LAMA2: variants seen among roughly 807,000 people sequenced by gnomAD.
The protein encoded by LAMA2 is laminin subunit alpha-2.
LAMA2 carries 269 observed loss-of-function variants against 364.8 expected under a neutral mutation model. The ratio of observed to expected loss-of-function variants is 0.74; its 90% CI spans 0.67 to 0.82. The LOEUF is 0.82. LAMA2 is among the 40% of genes least tolerant of loss of function. The pLI is 0.00. For synonymous variants in LAMA2, 1,379 were observed against 1,370.6 expected, an observed-to-expected ratio of 1.01 and a Z score of -0.14; for missense variants, 3,807 against 3,873.2, an observed-to-expected ratio of 0.98 and a Z score of 0.45.
intron 12 of LAMA2, among the ~76,000 whole-genome samples, chr6:129,206,165 G>GAAAT (rs1782663502): frequency 7.1e-6 from 1 of 140,182 alleles, no homozygotes; most frequent in Non-Finnish European, 1.5e-5. Context: ...AGGAAGGAAG[G>GAAAT]AAATTAAACC....
At chr6:129,204,214 CAG>C (rs1228286641) in intron 12 of LAMA2, among the ~76,000 whole-genome samples, 1 of 152,138 alleles carries the variant, frequency 6.6e-6, no homozygotes, top group Non-Finnish European at 1.5e-5. Context: ...GAAATACCCG[CAG>C]AGTGTTTTAG....
chr6:129,164,806 T>C (rs1353233644), intron 8 of LAMA2, among the ~76,000 whole-genome samples: 1 of 152,216 alleles, frequency 6.6e-6, no homozygotes, highest in Admixed American at 6.5e-5. Context: ...GGTATTGTTA[T>C]GCAAATTTTG....
intron 32 of LAMA2, among the ~76,000 whole-genome samples, chr6:129,364,706 C>T (rs1038800441): frequency 1.3e-5 from 2 of 152,306 alleles, no homozygotes; most frequent in South Asian, 4.1e-4. Flanking sequence ...TGAATAGCAC[C>T]TCTTTGATGG....
intron 45 of LAMA2, among the ~76,000 whole-genome samples, chr6:129,450,923 G>C (rs1782644927): frequency 6.6e-6 from 1 of 152,144 alleles, no homozygotes; most frequent in Non-Finnish European, 1.5e-5. Context: ...CAATGCCAAG[G>C]TCTTCTCTGA....
chr6:129,147,603 G>T (rs1190921527), intron 6 of LAMA2, among the ~76,000 whole-genome samples: 1 of 151,952 alleles, frequency 6.6e-6, no homozygotes, highest in Non-Finnish European at 1.5e-5. Context: ...TAATGACAAT[G>T]AATTAAGTGA....
At chr6:129,474,727 G>A (rs1383281477) in intron 52 of LAMA2, among the ~76,000 whole-genome samples, 2 of 151,976 alleles carry the variant, frequency 1.3e-5, no homozygotes, top group Non-Finnish European at 2.9e-5. Context: ...ATAATTTTTA[G>A]GAATTATCTA....
intron 49 of LAMA2, among the ~76,000 whole-genome samples, chr6:129,461,174 TCATAACAG>T (rs1301778049): frequency 8.6e-5 from 13 of 152,030 alleles, no homozygotes; most frequent in African/African-American, 3.1e-4. Context: ...AGTTAACATG[TCATAACAG>T]CAACTCAAAA....
chr6:129,516,310 T>C lies in LAMA2; in HGVS notation c.9332T>C (p.Leu3111Pro), dbSNP rs1490263124. Reference protein sequence around the residue: ...LEVNFAKALELRGVQPVSCPA... With the variant: ...LEVNFAKALEPRGVQPVSCPA... ...GTTAATTTTGCCAAGGCCCTGGAAC[T>C]GAGGGGCGTTCAACCTGTATCATGC... is the stretch of plus-strand genomic sequence containing the variant. Residue 3111 changes from leucine to proline, a missense_variant, in exon 65 of 65, where the codon CTG becomes CCG. Leu to Pro is a moderately conservative substitution (Grantham distance 98). Around this residue, in one of 3 missense-constraint regions of LAMA2, gnomAD observed 3,333 missense variants for 3,345.7 expected, o/e 1.00. Coordinates refer to ENST00000421865, the MANE Select transcript of LAMA2 (RefSeq NM_000426.4). The C allele has an allele frequency of 1.2e-6, 2 of 1,614,016 alleles. No individual in the cohort carries two copies. The highest frequency in any genetic ancestry group is 3.3e-5 in the Admixed American group (2 of 59,988).
Position 129,344,932 on chromosome 6 carries a change from A to G in LAMA2, c.4436+2465A>G, listed in dbSNP as rs561049588. 1.8e-4 allele frequency among the ~76,000 whole-genome samples: 27 copies of G among 152,352 alleles called. No individual in the cohort carries two copies. The South Asian group carries it at 5.6e-3, about 32-fold the overall frequency. Reference sequence around the variant, plus strand: ...CGGAGAAAAGAAAGGCTTTACTGCAAAATTGTTCAGCAAGGAGACAAGAGT... The same window carrying G: ...CGGAGAAAAGAAAGGCTTTACTGCAGAATTGTTCAGCAAGGAGACAAGAGT... On this transcript the variant is annotated intron_variant, in intron 30 of 64. Transcript: ENST00000421865.
rs76291342 is a variant in LAMA2, at chr6:128,899,628, T to C, written c.112+16271T>C. On this transcript the variant is annotated intron_variant, in intron 1 of 64. Transcript: ENST00000421865. ...CTTTTTCCCCCTGATCCTTTTATAG[T>C]ATGAATGAATGTTTGTATAAGACAT... Among the ~76,000 whole-genome samples the C allele has an allele frequency of 2.1e-3, 320 of 152,322 alleles. 2 individuals are homozygous for C. The highest frequency in any genetic ancestry group is 0.01 in the Middle Eastern group (3 of 294).
At chr6:128,992,732 A>G (rs1256918462) in intron 1 of LAMA2, among the ~76,000 whole-genome samples, 1 of 152,174 alleles carries the variant, frequency 6.6e-6, no homozygotes, top group Non-Finnish European at 1.5e-5. Context: ...TAGCTAGACT[A>G]GGGTAGGAAG....
At chr6:129,209,131 G>A (rs1322432027) in intron 12 of LAMA2, among the ~76,000 whole-genome samples, 1 of 152,184 alleles carries the variant, frequency 6.6e-6, no homozygotes, top group Admixed American at 6.5e-5. Context: ...AAAAAAAAGA[G>A]TGAGTAGGGA....
At chr6:128,911,797 A>T (rs1337677828) in intron 1 of LAMA2, among the ~76,000 whole-genome samples, 7 of 152,200 alleles carry the variant, frequency 4.6e-5, no homozygotes, top group Admixed American at 1.3e-4. Context: ...CTTTCCCAGA[A>T]GGCCCTCACT....
intron 35 of LAMA2, among the ~76,000 whole-genome samples, chr6:129,388,074 A>G (rs1779112621): frequency 1.3e-5 from 2 of 152,150 alleles, no homozygotes; most frequent in Non-Finnish European, 2.9e-5. Context: ...CCTGGCCAAC[A>G]TGGCAAAACC....
At chr6:129,337,584 G>A (rs1776025494) in intron 29 of LAMA2, among the ~76,000 whole-genome samples, 1 of 152,108 alleles carries the variant, frequency 6.6e-6, no homozygotes, top group African/African-American at 2.4e-5. Flanking sequence ...TGCATTTAAT[G>A]ATATCTCAAG....
In LAMA2 at chr6:129,147,059, T is replaced by G; in HGVS notation, c.909+11T>G. 1.3e-6 allele frequency: 2 copies of G among 1,560,808 alleles called. No homozygotes were observed. The highest frequency in any genetic ancestry group is 2.2e-5 in the South Asian group (2 of 90,102). On this transcript the variant is annotated intron_variant, in intron 6 of 64. Transcript: ENST00000421865. Reference sequence around the variant, plus strand: ...GATCCAGCGACAAATGTATGTATATTTATAGGATGCTTAGGCAAAATGAAG... The same window carrying G: ...GATCCAGCGACAAATGTATGTATATGTATAGGATGCTTAGGCAAAATGAAG...
intron 32 of LAMA2, among the ~76,000 whole-genome samples, chr6:129,355,836 G>C (rs556005936): frequency 6.6e-5 from 10 of 152,118 alleles, no homozygotes; most frequent in African/African-American, 2.4e-4. Context: ...TCATGGATTT[G>C]TGTATTTCAA....
intron 10 of LAMA2, among the ~76,000 whole-genome samples, chr6:129,181,505 T>A (rs1476363054): frequency 6.6e-6 from 1 of 151,782 alleles, no homozygotes; most frequent in East Asian, 1.9e-4. Context: ...AATTCAAAAG[T>A]AACCAGGTTT....
At chr6:129,406,485 A>G (rs1157020461) in intron 40 of LAMA2, among the ~76,000 whole-genome samples, 1 of 152,188 alleles carries the variant, frequency 6.6e-6, no homozygotes, top group Non-Finnish European at 1.5e-5. Flanking sequence ...TATAATCACC[A>G]AGAAAATATC....
Sources: gnomAD v4.1 joint callset for allele counts (sites outside exome capture counted in the v4.1 genomes callset) on GRCh38, gnomAD v4.1.1 for gene constraint, gnomAD v4.1.1 regional missense constraint, MANE v1.5 for transcripts, NCBI Gene and HGNC (gene_info 2026-07-23, HGNC 2026-07-21) for gene names.